The following CRYBG1 variants were observed in gnomAD, a reference collection of about 807,000 sequenced individuals.
CRYBG1 encodes beta/gamma crystallin domain-containing protein 1.
CRYBG1 carries 139 observed loss-of-function variants against 189.2 expected under a neutral mutation model. That is an observed-to-expected ratio of 0.73 (90% confidence interval 0.64 to 0.85). The LOEUF is 0.85. Ranked by LOEUF, CRYBG1 falls within the 40% of genes least tolerant of loss-of-function variation. The pLI, the probability that CRYBG1 is intolerant of heterozygous loss-of-function variation, is 0.00. For missense variants in CRYBG1, 2,611 were observed against 2,675.8 expected, an observed-to-expected ratio of 0.98 and a Z score of 0.53; for synonymous variants, 1,023 against 1,017.1, an observed-to-expected ratio of 1.01 and a Z score of -0.11.
At chr6:106,545,030 C>T in intron 13 of CRYBG1, 97 bp downstream of exon 13, 1 of 930,028 alleles carries the variant, frequency 1.1e-6, no homozygotes, top group Non-Finnish European at 1.6e-6. Context: ...ATTCAATACA[C>T]AAATATCTCA....
intron 2 of CRYBG1, among the ~76,000 whole-genome samples, chr6:106,457,559 T>G (rs1771914201): frequency 6.6e-6 from 1 of 152,214 alleles, no homozygotes; most frequent in Non-Finnish European, 1.5e-5. Flanking sequence ...CTTAAAGGAC[T>G]TACTAGTGTC....
chr6:106,549,658 G>A (rs1774352914), intron 13 of CRYBG1, among the ~76,000 whole-genome samples: 1 of 151,970 alleles, frequency 6.6e-6, no homozygotes, highest in African/African-American at 2.4e-5. Flanking sequence ...GGGGATGGGG[G>A]GTGGTAGGGG....
chr6:106,552,317 G>A, intron 15 of CRYBG1, 101 bp downstream of exon 15: 1 of 839,406 alleles, frequency 1.2e-6, no homozygotes, highest in South Asian at 1.9e-5. Flanking sequence ...CGGGTGTGGT[G>A]GCTCACGCCT....
chr6:106,535,238 AC>A (rs1562109206), intron 8 of CRYBG1, among the ~76,000 whole-genome samples: 3 of 152,340 alleles, frequency 2.0e-5, no homozygotes, highest in Admixed American at 6.5e-5. Context: ...ATTGATGGGT[AC>A]ATCTCTATGT....
At chr6:106,362,190 C>T (rs1771890336) in intron 1 of CRYBG1, among the ~76,000 whole-genome samples, 1 of 151,532 alleles carries the variant, frequency 6.6e-6, no homozygotes, top group African/African-American at 2.4e-5. Flanking sequence ...AGGATGGTCT[C>T]GATCTCCTGA....
chr6:106,526,051 T>C (rs925261021), intron 6 of CRYBG1, among the ~76,000 whole-genome samples: 2 of 152,140 alleles, frequency 1.3e-5, no homozygotes, highest in Admixed American at 6.6e-5. Flanking sequence ...ACACAGGAAG[T>C]TGGGTAGAGA....
intron 8 of CRYBG1, among the ~76,000 whole-genome samples, chr6:106,531,038 T>C (rs1773866707): frequency 6.6e-6 from 1 of 152,224 alleles, no homozygotes; most frequent in African/African-American, 2.4e-5. Flanking sequence ...TTTATAAATA[T>C]TCATATATTC....
At chr6:106,539,298 A>T (rs1290737012) in intron 8 of CRYBG1, 105 bp from the exon 9 acceptor site, 9 of 1,367,148 alleles carry the variant, frequency 6.6e-6, no homozygotes, top group Non-Finnish European at 9.1e-6. Context: ...GTAGGTCCGT[A>T]TCCTCTCCTG....
chr6:106,413,422 A>T (rs1448834291), intron 1 of CRYBG1, among the ~76,000 whole-genome samples: 1 of 152,184 alleles, frequency 6.6e-6, no homozygotes. Context: ...CACACCTGTA[A>T]TCCCAGCACT....
Position 106,571,836 on chromosome 6 carries a change from C to A in CRYBG1, c.*3270C>A. ...AATCCAAGTGCTGATATTTTTATAT[C>A]AATTACTGGCCAAAATGGTGTGTTT... On this transcript the variant is annotated 3_prime_UTR_variant, in exon 22 of 22. Coordinates refer to ENST00000633556, the MANE Select transcript of CRYBG1 (RefSeq NM_001371242.2). 2.1e-5 allele frequency: 11 copies of A among 511,914 alleles called. No individual in the cohort carries two copies. The highest frequency in any genetic ancestry group is 3.4e-5 in the East Asian group (1 of 29,120). 31.7% of individuals were successfully genotyped at this position (511,914 alleles called of 1,614,324 possible).
In CRYBG1 at chr6:106,517,315, C is replaced by CATAT. The variant is rs111258799; in HGVS notation, c.1923-1815_1923-1814insTATA. On this transcript the variant is annotated intron_variant, in intron 3 of 21. Transcript: ENST00000633556. ...ATACATATATATATACACACACACA[C>CATAT]ACATATATATATACACATATATATA... Among the ~76,000 whole-genome samples the CATAT allele has an allele frequency of 4.1e-3, 561 of 136,456 alleles. 4 individuals carry two copies. Among genetic ancestry groups the CATAT allele is most frequent in the African/African-American group, 0.015 (511 of 33,814 alleles). The allele number at this position is 136,456 out of a possible 152,430, so 89.5% of individuals were successfully genotyped here.
At chr6:106,382,576 T>C (rs1770307174) in intron 1 of CRYBG1, among the ~76,000 whole-genome samples, 1 of 152,202 alleles carries the variant, frequency 6.6e-6, no homozygotes, top group East Asian at 1.9e-4. Flanking sequence ...CTCATGCCTG[T>C]AATACCAGCA....
chr6:106,431,270 A>G (rs931301171), intron 1 of CRYBG1, among the ~76,000 whole-genome samples: 3 of 152,172 alleles, frequency 2.0e-5, no homozygotes, highest in African/African-American at 7.2e-5. Flanking sequence ...CTCTCTCAAA[A>G]TAGTCAGCAA....
intron 9 of CRYBG1, chr6:106,541,134 G>GA (rs558940227): frequency 1.7e-4 from 67 of 395,652 alleles, no homozygotes; most frequent in Middle Eastern, 4.4e-4. Flanking sequence ...ACAAATGGCT[G>GA]AGAGTTAAAC....
At position 106,512,444 on chromosome 6, in the gene CRYBG1, A is replaced by T. The variant is rs760116953; in HGVS notation, c.1327A>T (p.Arg443Trp). The T allele has an allele frequency of 1.2e-6, 2 of 1,610,410 alleles. No homozygotes were observed. The highest frequency in any genetic ancestry group is 1.7e-6 in the Non-Finnish European group (2 of 1,178,894). Residue 443 changes from arginine to tryptophan, a missense_variant, in exon 3 of 22, where the codon AGG becomes TGG. Physicochemically the swap from Arg to Trp is moderately radical, Grantham distance 101. Around this residue, in one of 3 missense-constraint regions of CRYBG1, gnomAD observed 985 missense variants for 924.4 expected, o/e 1.07. Transcript: ENST00000633556. ...ADAELPESAA[R>W]DDAVFDDEVA... ...CGCCGAGCTCCCTGAGAGCGCTGCCAGGGACGACGCGGTGTTCGACGACGA... is the reference window on the plus strand; with the variant it reads ...CGCCGAGCTCCCTGAGAGCGCTGCCTGGGACGACGCGGTGTTCGACGACGA...
chr6:106,469,488 A>T (rs1335991879), intron 2 of CRYBG1, among the ~76,000 whole-genome samples: 1 of 152,202 alleles, frequency 6.6e-6, no homozygotes, highest in Non-Finnish European at 1.5e-5. Context: ...TTGAATGAAG[A>T]AATGTTTTCT....
At chr6:106,426,568 C>T (rs1020809777) in intron 1 of CRYBG1, among the ~76,000 whole-genome samples, 3 of 152,128 alleles carry the variant, frequency 2.0e-5, no homozygotes, top group Non-Finnish European at 4.4e-5. Context: ...ATTAATGACA[C>T]TCTTTTCTTT....
intron 1 of CRYBG1, among the ~76,000 whole-genome samples, chr6:106,427,322 C>T (rs778591196): frequency 2.0e-5 from 3 of 152,158 alleles, no homozygotes; most frequent in Non-Finnish European, 4.4e-5. Flanking sequence ...AGGTCTAAAA[C>T]CCAACTATTG....
At chr6:106,395,435 C>A (rs187154978) in intron 1 of CRYBG1, among the ~76,000 whole-genome samples, 22 of 151,592 alleles carry the variant, frequency 1.5e-4, no homozygotes, top group Admixed American at 3.9e-4. Context: ...GAATGCTTAG[C>A]TCATTAATTT....
Sources: allele counts gnomAD v4.1 joint callset (sites outside exome capture counted in the v4.1 genomes callset), GRCh38; gene constraint gnomAD v4.1.1; regional missense constraint gnomAD v4.1.1; transcripts MANE v1.5; gene names NCBI Gene and HGNC (gene_info 2026-07-23, HGNC 2026-07-21).